The following TNNI3K variants were observed in gnomAD, a reference collection of about 807,000 sequenced individuals.
TNNI3K encodes TNNI3 interacting kinase.
A neutral mutation model predicts 114.5 loss-of-function variants in TNNI3K; 140 were observed. The observed-to-expected ratio is 1.22, with a 90% CI of 1.07 to 1.41. The LOEUF (loss-of-function observed/expected upper bound fraction) is 1.41, where lower values mean the gene tolerates loss of function less well. Among genes scored for constraint, TNNI3K ranks in the 40% most tolerant of loss-of-function variants. The probability of loss-of-function intolerance (pLI) is 0.00; values close to 1 mark genes in which losing one functional copy is unlikely to be tolerated. For synonymous variants in TNNI3K, 347 were observed against 347.5 expected (o/e 1.00, Z 0.02); for missense variants, 1,125 against 1,007.6 (o/e 1.12, Z -1.58).
Position 74,542,993 on chromosome 1 carries a change from G to A in TNNI3K, c.2432-913G>A, listed in dbSNP as rs1030958679. Among the ~76,000 whole-genome samples the A allele has an allele frequency of 6.7e-5, 10 of 149,678 alleles. No individual in the cohort carries two copies. In the South Asian group the frequency reaches 2.2e-3, roughly 32 times the overall value. On this transcript the variant is annotated intron_variant, in intron 24 of 24. Transcript: ENST00000326637. Reference sequence around the variant, plus strand: ...CCTTTAAAATTTGGGCTACCAGGGAGAAGAAACAAACAAAGCCATCTGGTT... The same window carrying A: ...CCTTTAAAATTTGGGCTACCAGGGAAAAGAAACAAACAAAGCCATCTGGTT...
intron 2 of TNNI3K, among the ~76,000 whole-genome samples, chr1:74,244,753 A>G (rs1654450806): frequency 1.3e-5 from 2 of 151,372 alleles, no homozygotes; most frequent in African/African-American, 4.9e-5. Flanking sequence ...TGAGGCGTAT[A>G]GTAGGTGTTT....
chr1:74,480,056 C>G, intron 21 of TNNI3K: 1 of 621,276 alleles, frequency 1.6e-6, no homozygotes, highest in Non-Finnish European at 2.9e-6. Context: ...TTCCATAGCC[C>G]TGGCAACCAA....
chr1:74,261,969 G>A (rs1469728639), intron 4 of TNNI3K, among the ~76,000 whole-genome samples: 1 of 152,032 alleles, frequency 6.6e-6, no homozygotes, highest in Non-Finnish European at 1.5e-5. Context: ...GGTATTTTTT[G>A]CTACGTAACT....
At chr1:74,448,631 C>T (rs910323047) in intron 20 of TNNI3K, among the ~76,000 whole-genome samples, 4 of 117,088 alleles carry the variant, frequency 3.4e-5, no homozygotes, top group Non-Finnish European at 5.2e-5. Flanking sequence ...TTTTGAAATA[C>T]GTCCCATCAA....
intron 4 of TNNI3K, among the ~76,000 whole-genome samples, chr1:74,270,222 A>C (rs1417161041): frequency 6.6e-6 from 1 of 151,760 alleles, no homozygotes; most frequent in African/African-American, 2.4e-5. Context: ...TGGTGAACTC[A>C]TTTGAGATTT....
intron 19 of TNNI3K, among the ~76,000 whole-genome samples, chr1:74,438,825 TA>T (rs749505720): frequency 7.9e-5 from 12 of 152,106 alleles, no homozygotes; most frequent in Non-Finnish European, 1.3e-4. Flanking sequence ...TGTAATATTT[TA>T]TGGGCTTCCT....
chr1:74,518,197 G>C (rs1474634070), intron 23 of TNNI3K, among the ~76,000 whole-genome samples: 1 of 152,132 alleles, frequency 6.6e-6, no homozygotes, highest in Non-Finnish European at 1.5e-5. Flanking sequence ...GAGAGGGTTT[G>C]CTGATCAATG....
At chr1:74,543,234 C>A (rs890809812) in intron 24 of TNNI3K, among the ~76,000 whole-genome samples, 2 of 151,636 alleles carry the variant, frequency 1.3e-5, no homozygotes, top group Non-Finnish European at 2.9e-5. Flanking sequence ...GCCACCACAC[C>A]CGGCTATTTT....
At position 74,369,515 on chromosome 1, in the gene TNNI3K, A is replaced by C; in HGVS notation, c.1597A>C (p.Ser533Arg). ...QFVGACLNDP[S>R]QFAIVTQYIS... is the part of the protein sequence containing the mutation. ...TGTGGGTGCTTGCTTGAATGATCCC[A>C]GCCAGTTTGCCATTGTCACTCAATA... Residue 533 changes from serine to arginine, a missense_variant, in exon 16 of 25, where the codon AGC becomes CGC. Transcript: ENST00000326637. 1 of 1,612,788 alleles carries C rather than the reference A, an allele frequency of 6.2e-7. No homozygotes were observed. The highest frequency in any genetic ancestry group is 1.3e-5 in the African/African-American group (1 of 74,892).
chr1:74,255,010 A>AT (rs763583989), intron 4 of TNNI3K, among the ~76,000 whole-genome samples: 2 of 152,144 alleles, frequency 1.3e-5, no homozygotes, highest in Non-Finnish European at 2.9e-5. Context: ...TGTTCTACAG[A>AT]TATCAGGATA....
intron 21 of TNNI3K, chr1:74,471,019 A>G (rs1667901016): frequency 2.5e-6 from 1 of 400,606 alleles, no homozygotes; most frequent in Non-Finnish European, 4.4e-6. Flanking sequence ...TTTTGATTCA[A>G]GCTGAGTTGC....
At chr1:74,278,538 T>G (rs561976083) in intron 5 of TNNI3K, among the ~76,000 whole-genome samples, 1 of 152,150 alleles carries the variant, frequency 6.6e-6, no homozygotes, top group Non-Finnish European at 1.5e-5. Context: ...TTTTGTATGG[T>G]CCCCATTCTT....
chr1:74,542,076 G>A (rs1396101600), intron 24 of TNNI3K, among the ~76,000 whole-genome samples: 1 of 152,188 alleles, frequency 6.6e-6, no homozygotes, highest in Non-Finnish European at 1.5e-5. Context: ...TTTCAGTTGA[G>A]TTCTTCTTAA....
At chr1:74,291,714 T>C (rs939616167) in intron 5 of TNNI3K, among the ~76,000 whole-genome samples, 28 of 151,510 alleles carry the variant, frequency 1.8e-4, no homozygotes, top group African/African-American at 6.5e-4. Flanking sequence ...TGCTTTCATA[T>C]ATTAAGAATC....
At chr1:74,476,055 G>T (rs1668190804) in intron 21 of TNNI3K, among the ~76,000 whole-genome samples, 3 of 151,878 alleles carry the variant, frequency 2.0e-5, no homozygotes, top group African/African-American at 7.3e-5. Context: ...GAATCTCTTT[G>T]GTAGAAAAAA....
intron 7 of TNNI3K, among the ~76,000 whole-genome samples, chr1:74,339,235 C>T (rs764675641): frequency 6.6e-6 from 1 of 152,082 alleles, no homozygotes; most frequent in African/African-American, 2.4e-5. Context: ...TTTTGTTGCA[C>T]GCAAGTATTA....
intron 11 of TNNI3K, among the ~76,000 whole-genome samples, chr1:74,357,299 A>T (rs552264695): frequency 6.6e-6 from 1 of 152,166 alleles, no homozygotes; most frequent in Admixed American, 6.5e-5. Context: ...GAGCTTCACA[A>T]TCAAGGGTGT....
rs754012387 is a variant in TNNI3K at position 74,353,255 on chromosome 1, T to A, written c.933-11T>A. The A allele has an allele frequency of 3.1e-6, 5 of 1,606,094 alleles. No individual in the cohort carries two copies. The South Asian group carries it at 4.5e-5, about 14-fold the overall frequency. On this transcript the variant is annotated splice_polypyrimidine_tract_variant and intron_variant, in intron 9 of 24. Coordinates refer to ENST00000326637, the MANE Select transcript of TNNI3K (RefSeq NM_015978.3). ...CTTCTATCTTTCTTGTTTTATGGTT[T>A]TTTTTTTCAGTGCTTGTACCTATGG...
At chr1:74,238,819 T>C (rs568049) in intron 2 of TNNI3K, among the ~76,000 whole-genome samples, 94,118 of 151,556 alleles carry the variant, frequency 0.62, 30,384 homozygotes, top group African/African-American at 0.8. Flanking sequence ...TTATCCAGTC[T>C]AGAATGATGT....
Sources: allele counts gnomAD v4.1 joint callset (sites outside exome capture counted in the v4.1 genomes callset), GRCh38; gene constraint gnomAD v4.1.1; transcripts MANE v1.5; gene names NCBI Gene and HGNC (gene_info 2026-07-23, HGNC 2026-07-21).